The following PLPPR5 variants were observed in gnomAD, a reference collection of about 807,000 sequenced individuals.
PLPPR5 encodes the protein phospholipid phosphatase-related protein type 5.
A neutral mutation model predicts 33.9 loss-of-function variants in PLPPR5; 16 were observed. The observed-to-expected ratio is 0.47, with a 90% CI of 0.32 to 0.72. The LOEUF is 0.72. Ranked by LOEUF, PLPPR5 falls within the 30% of genes least tolerant of loss-of-function variation. The probability of loss-of-function intolerance (pLI) is 0.03; values close to 1 mark genes in which losing one functional copy is unlikely to be tolerated. For missense variants in PLPPR5, 301 were observed against 406.7 expected (o/e 0.74, Z 2.23); for synonymous variants, 163 against 150.3 (o/e 1.08, Z -0.62).
chr1:98,985,358 T>G (rs556460889), intron 1 of PLPPR5, among the ~76,000 whole-genome samples: 34 of 152,070 alleles, frequency 2.2e-4, no homozygotes, highest in Non-Finnish European at 4.7e-4. Flanking sequence ...CATAATAACA[T>G]TGTGGTCATT....
At chr1:98,980,380 A>C (rs1652022786) in intron 1 of PLPPR5, among the ~76,000 whole-genome samples, 1 of 152,066 alleles carries the variant, frequency 6.6e-6, no homozygotes, top group African/African-American at 2.4e-5. Context: ...CATATCATAA[A>C]ACTTATGCAA....
chr1:98,918,391 T>A (rs1016481393), intron 4 of PLPPR5, among the ~76,000 whole-genome samples: 11 of 152,212 alleles, frequency 7.2e-5, no homozygotes, highest in Non-Finnish European at 1.3e-4. Flanking sequence ...TATGATAACA[T>A]GACAAACTAT....
At chr1:98,900,636 CT>C (rs1430217327) in intron 5 of PLPPR5, among the ~76,000 whole-genome samples, 2 of 152,100 alleles carry the variant, frequency 1.3e-5, no homozygotes, top group Non-Finnish European at 2.9e-5. Context: ...ATAAAATTGG[CT>C]TCTTCTTAGT....
chr1:98,954,434 T>C (rs72730364), intron 2 of PLPPR5, among the ~76,000 whole-genome samples: 13,611 of 152,200 alleles, frequency 0.089, 687 homozygotes, highest in African/African-American at 0.13. Context: ...CATATATTTC[T>C]GGATTATTTG....
chr1:98,946,212 T>A (rs1473281853), intron 3 of PLPPR5, among the ~76,000 whole-genome samples: 1 of 152,188 alleles, frequency 6.6e-6, no homozygotes, highest in East Asian at 1.9e-4. Flanking sequence ...TTTAATTCTC[T>A]CTTTACTCTC....
intron 1 of PLPPR5, among the ~76,000 whole-genome samples, chr1:98,985,385 G>A (rs572164909): frequency 6.6e-6 from 1 of 152,032 alleles, no homozygotes; most frequent in Non-Finnish European, 1.5e-5. Context: ...CTACACAGAT[G>A]ACTGCGGTTT....
At chr1:98,924,658 G>C (rs1258269797) in intron 3 of PLPPR5, among the ~76,000 whole-genome samples, 1 of 152,106 alleles carries the variant, frequency 6.6e-6, no homozygotes, top group Non-Finnish European at 1.5e-5. Context: ...GCCCTTACTT[G>C]TCCAAGTTGT....
chr1:98,977,220 A>G (rs951998352), intron 1 of PLPPR5, among the ~76,000 whole-genome samples: 2 of 151,978 alleles, frequency 1.3e-5, no homozygotes, highest in Non-Finnish European at 2.9e-5. Context: ...ATACATGTGA[A>G]ACTCTAGTGT....
At chr1:98,927,016 T>C (rs923573594) in intron 3 of PLPPR5, among the ~76,000 whole-genome samples, 2 of 152,192 alleles carry the variant, frequency 1.3e-5, no homozygotes, top group African/African-American at 2.4e-5. Context: ...GGAAAGACCA[T>C]GGACTTTGCC....
At chr1:98,932,987 G>T (rs1650038124) in intron 3 of PLPPR5, among the ~76,000 whole-genome samples, 1 of 152,134 alleles carries the variant, frequency 6.6e-6, no homozygotes, top group African/African-American at 2.4e-5. Context: ...GGGGTAATAT[G>T]ATCTATGTAC....
chr1:98,997,365 T>C (rs1652669909), intron 1 of PLPPR5, among the ~76,000 whole-genome samples: 1 of 152,316 alleles, frequency 6.6e-6, no homozygotes, highest in South Asian at 2.1e-4. Flanking sequence ...ACATAGTAGA[T>C]ACATTGTCGT....
At chr1:98,996,072 A>G (rs1652620965) in intron 1 of PLPPR5, among the ~76,000 whole-genome samples, 1 of 152,134 alleles carries the variant, frequency 6.6e-6, no homozygotes, top group Non-Finnish European at 1.5e-5. Flanking sequence ...GGATCATAGA[A>G]GAGAATGCAG....
chr1:98,911,978 A>C (rs1410818233), intron 5 of PLPPR5, among the ~76,000 whole-genome samples: 1 of 152,136 alleles, frequency 6.6e-6, no homozygotes, highest in Non-Finnish European at 1.5e-5. Context: ...GTTACAGCCC[A>C]GGGTGGTCTC....
intron 1 of PLPPR5, among the ~76,000 whole-genome samples, chr1:98,985,558 C>A (rs1652225667): frequency 6.6e-6 from 1 of 152,014 alleles, no homozygotes; most frequent in African/African-American, 2.4e-5. Context: ...CCTTCACATT[C>A]ACTCGTCTCA....
chr1:98,908,545 A>G (rs1175535928), intron 5 of PLPPR5, among the ~76,000 whole-genome samples: 2 of 152,118 alleles, frequency 1.3e-5, no homozygotes, highest in Non-Finnish European at 2.9e-5. Context: ...TTTATTTGAG[A>G]TATGTGGGCC....
chr1:98,923,711 C>G (rs1570701384), intron 3 of PLPPR5, among the ~76,000 whole-genome samples: 1 of 152,124 alleles, frequency 6.6e-6, no homozygotes, highest in East Asian at 1.9e-4. Flanking sequence ...ACCTTCGGAG[C>G]TGGGTCTGTG....
At chr1:98,954,761 G>A (rs1254530935) in intron 2 of PLPPR5, among the ~76,000 whole-genome samples, 2 of 152,186 alleles carry the variant, frequency 1.3e-5, no homozygotes, top group East Asian at 3.9e-4. Context: ...ATTTGAAAGA[G>A]GAAGAGAAAT....
intron 1 of PLPPR5, among the ~76,000 whole-genome samples, chr1:98,988,069 A>C (rs914582391): frequency 2.0e-5 from 3 of 152,106 alleles, no homozygotes; most frequent in Admixed American, 6.6e-5. Flanking sequence ...TAGAGTCAGA[A>C]ATATTGGTTA....
At chr1:98,899,600 T>C (rs17392465) in intron 5 of PLPPR5, among the ~76,000 whole-genome samples, 25,540 of 151,756 alleles carry the variant, frequency 0.17, 2,389 homozygotes, top group Non-Finnish European at 0.21. Context: ...ATGCTTAGAG[T>C]TACACAATGC....
Sources: allele counts gnomAD v4.1 joint callset (sites outside exome capture counted in the v4.1 genomes callset), GRCh38; gene constraint gnomAD v4.1.1; transcripts MANE v1.5; gene names NCBI Gene and HGNC (gene_info 2026-07-23, HGNC 2026-07-21).